The following PRIMA1 variants were observed in gnomAD, a reference collection of about 807,000 sequenced individuals.
PRIMA1 encodes the protein proline rich membrane anchor 1, also known as proline-rich membrane anchor 1.
PRIMA1 carries 7 observed loss-of-function variants against 17.5 expected under a neutral mutation model. That is an observed-to-expected ratio of 0.40 (90% CI 0.23 to 0.75). The LOEUF (loss-of-function observed/expected upper bound fraction) is 0.75, where lower values mean the gene tolerates loss of function less well. Among genes scored for constraint, PRIMA1 ranks in the 30% least tolerant of loss-of-function variants. The pLI, the probability that PRIMA1 is intolerant of heterozygous loss-of-function variation, is 0.37. For synonymous variants in PRIMA1, 97 were observed against 77.9 expected, an observed-to-expected ratio of 1.25 and a Z score of -1.29; for missense variants, 200 against 201.8, an observed-to-expected ratio of 0.99 and a Z score of 0.05.
At chr14:93,742,209 A>C (rs1025112964) in intron 3 of PRIMA1, among the ~76,000 whole-genome samples, 1 of 152,206 alleles carries the variant, frequency 6.6e-6, no homozygotes, top group Non-Finnish European at 1.5e-5. Flanking sequence ...TTCCCAAGAG[A>C]CGATGAAACA....
chr14:93,768,882 C>T lies in PRIMA1; in HGVS notation c.229+10294G>A, dbSNP rs114945103. Among the ~76,000 whole-genome samples, 510 of 151,202 alleles carry T rather than the reference C, an allele frequency of 3.4e-3. 3 individuals are homozygous for T. The highest frequency in any genetic ancestry group is 0.012 in the African/African-American group (484 of 41,182). ...GTGCAGTGGTGCGATCTTGGCTCACCGCGACCTCCACCTCCAGGGTTCAAG... is the reference window on the plus strand; with the variant it reads ...GTGCAGTGGTGCGATCTTGGCTCACTGCGACCTCCACCTCCAGGGTTCAAG... On this transcript the variant is annotated intron_variant, in intron 3 of 4. Coordinates refer to ENST00000393140, the MANE Select transcript of PRIMA1 (RefSeq NM_178013.4).
At chr14:93,732,947 G>A (rs1180971161) in intron 4 of PRIMA1, among the ~76,000 whole-genome samples, 3 of 152,182 alleles carry the variant, frequency 2.0e-5, no homozygotes, top group Non-Finnish European at 4.4e-5. Context: ...GGGGTGGGAG[G>A]ACACCCAGGT....
chr14:93,787,829 C>A, intron 1 of PRIMA1, 80 bp from the exon 2 acceptor site: 1 of 1,457,912 alleles, frequency 6.9e-7, no homozygotes. Context: ...CCTCCCAGCC[C>A]GGGTCGGACG....
At chr14:93,774,011 G>C (rs1163621712) in intron 3 of PRIMA1, among the ~76,000 whole-genome samples, 2 of 152,030 alleles carry the variant, frequency 1.3e-5, no homozygotes, top group Admixed American at 1.3e-4. Context: ...AGAATCACTT[G>C]AACTCAGGAG....
intron 3 of PRIMA1, among the ~76,000 whole-genome samples, chr14:93,760,582 T>C (rs752931610): frequency 6.6e-6 from 1 of 152,064 alleles, no homozygotes; most frequent in African/African-American, 2.4e-5. Flanking sequence ...TTGGTGCCCA[T>C]TGAATTCCCT....
intron 4 of PRIMA1, among the ~76,000 whole-genome samples, chr14:93,733,919 C>G (rs1225982992): frequency 6.6e-6 from 1 of 152,184 alleles, no homozygotes; most frequent in Non-Finnish European, 1.5e-5. Context: ...GGGGAGCACT[C>G]TGCTCTGTAG....
intron 4 of PRIMA1, among the ~76,000 whole-genome samples, chr14:93,723,414 G>A (rs1356626170): frequency 2.0e-5 from 3 of 152,166 alleles, no homozygotes; most frequent in Admixed American, 6.5e-5. Context: ...ATAAAGCCCT[G>A]AGTGAGTGAG....
intron 2 of PRIMA1, among the ~76,000 whole-genome samples, chr14:93,783,077 C>A (rs923808620): frequency 6.6e-6 from 1 of 152,234 alleles, no homozygotes; most frequent in Non-Finnish European, 1.5e-5. Flanking sequence ...AATGCTGCTG[C>A]TTTATTCTGC....
intron 3 of PRIMA1, among the ~76,000 whole-genome samples, chr14:93,760,359 C>T (rs2076319412): frequency 6.6e-6 from 1 of 152,208 alleles, no homozygotes; most frequent in South Asian, 2.1e-4. Flanking sequence ...ACTCCTGTTA[C>T]CTCCCCTAAG....
At chr14:93,782,291 A>C (rs4513026) in intron 2 of PRIMA1, among the ~76,000 whole-genome samples, 126,954 of 148,986 alleles carry the variant, frequency 0.85, 54,476 homozygotes, top group African/African-American at 0.92. Context: ...TAAATAAATA[A>C]ATACATACAT....
At chr14:93,725,034 G>A (rs1170354629) in intron 4 of PRIMA1, among the ~76,000 whole-genome samples, 4 of 152,040 alleles carry the variant, frequency 2.6e-5, no homozygotes, top group African/African-American at 7.3e-5. Context: ...CTTCGTACTC[G>A]CGGGCCCTGG....
intron 3 of PRIMA1, among the ~76,000 whole-genome samples, chr14:93,764,531 T>C (rs1884832624): frequency 6.6e-6 from 1 of 152,102 alleles, no homozygotes; most frequent in Non-Finnish European, 1.5e-5. Context: ...TCACCATGTC[T>C]TCTCCACTGC....
At chr14:93,733,061 C>T (rs2076125517) in intron 4 of PRIMA1, among the ~76,000 whole-genome samples, 1 of 152,202 alleles carries the variant, frequency 6.6e-6, no homozygotes, top group Non-Finnish European at 1.5e-5. Context: ...AATGAAGCCA[C>T]CAAAATGCAT....
chr14:93,734,736 C>T (rs1407038524), intron 4 of PRIMA1, among the ~76,000 whole-genome samples: 1 of 152,028 alleles, frequency 6.6e-6, no homozygotes, highest in Non-Finnish European at 1.5e-5. Flanking sequence ...CCCGCCCACG[C>T]CCTGGTGGAG....
At chr14:93,757,450 A>G (rs2076298531) in intron 3 of PRIMA1, among the ~76,000 whole-genome samples, 1 of 152,266 alleles carries the variant, frequency 6.6e-6, no homozygotes, top group Non-Finnish European at 1.5e-5. Flanking sequence ...TTAGTTGAAT[A>G]AAAAGATAAA....
intron 3 of PRIMA1, among the ~76,000 whole-genome samples, chr14:93,762,963 T>C (rs1370073002): frequency 6.6e-6 from 1 of 152,142 alleles, no homozygotes; most frequent in Non-Finnish European, 1.5e-5. Context: ...TCTGCCAGCC[T>C]CCACTCAAAT....
In PRIMA1 at chr14:93,788,267, G is replaced by A. The variant is rs78825507; in HGVS notation, c.-32+143C>T. 277 of 168,622 alleles carry A rather than the reference G, an allele frequency of 1.6e-3. 5 individuals are homozygous for A. The East Asian group carries it at 0.046, about 28-fold the overall frequency. 10.4% of individuals were successfully genotyped at this position (168,622 alleles called of 1,614,324 possible). ...CTGCCTGCACCCACACTGCCCAGCCGGCCTCATTGCGCACACTGCAACATA... is the reference window on the plus strand; with the variant it reads ...CTGCCTGCACCCACACTGCCCAGCCAGCCTCATTGCGCACACTGCAACATA... On this transcript the variant is annotated intron_variant, in intron 1 of 4. Transcript: ENST00000393140.
chr14:93,762,169 C>T (rs1288367840), intron 3 of PRIMA1, among the ~76,000 whole-genome samples: 2 of 152,188 alleles, frequency 1.3e-5, no homozygotes, highest in African/African-American at 4.8e-5. Flanking sequence ...CCCCACCTTC[C>T]CAGCCCAATC....
chr14:93,781,042 G>A (rs1159294735), intron 2 of PRIMA1, among the ~76,000 whole-genome samples: 1 of 152,274 alleles, frequency 6.6e-6, no homozygotes, highest in Non-Finnish European at 1.5e-5. Context: ...CCTGGAAGAT[G>A]TGGAGAAGTA....
Sources: gnomAD v4.1 joint callset for allele counts (sites outside exome capture counted in the v4.1 genomes callset) on GRCh38, gnomAD v4.1.1 for gene constraint, MANE v1.5 for transcripts, NCBI Gene and HGNC (gene_info 2026-07-23, HGNC 2026-07-21) for gene names.